The following E2F3 variants were observed in gnomAD, a reference collection of about 807,000 sequenced individuals.
E2F3 encodes E2F transcription factor 3, also known as transcription factor E2F3.
Under a neutral mutation model 44.4 loss-of-function variants are expected in E2F3, and 11 were observed. That is an observed-to-expected ratio of 0.25 (90% CI 0.16 to 0.41). The LOEUF is 0.41. Among genes scored for constraint, E2F3 ranks in the 10% least tolerant of loss-of-function variants. The pLI, the probability that E2F3 is intolerant of heterozygous loss-of-function variation, is 1.00. For synonymous variants in E2F3, 249 were observed against 253.0 expected, an observed-to-expected ratio of 0.98 and a Z score of 0.15; for missense variants, 487 against 583.6, an observed-to-expected ratio of 0.83 and a Z score of 1.70.
At chr6:20,479,534 A>T (rs1032557291) in intron 1 of E2F3, among the ~76,000 whole-genome samples, 2 of 152,196 alleles carry the variant, frequency 1.3e-5, no homozygotes, top group African/African-American at 4.8e-5. Context: ...TTAGCATCCA[A>T]CCCCATGCCA....
intron 1 of E2F3, among the ~76,000 whole-genome samples, chr6:20,414,071 G>C (rs756597474): frequency 6.6e-6 from 1 of 152,290 alleles, no homozygotes; most frequent in East Asian, 1.9e-4. Context: ...GCTGAGCACC[G>C]GAAGTGGGAC....
chr6:20,471,656 A>T (rs1403617924), intron 1 of E2F3, among the ~76,000 whole-genome samples: 3 of 152,236 alleles, frequency 2.0e-5, no homozygotes, highest in African/African-American at 4.8e-5. Context: ...GCTGTTTTTA[A>T]TAGACAAACC....
intron 1 of E2F3, among the ~76,000 whole-genome samples, chr6:20,447,696 T>A (rs1760995756): frequency 6.6e-6 from 1 of 152,176 alleles, no homozygotes; most frequent in Non-Finnish European, 1.5e-5. Flanking sequence ...TGTGAAGTCA[T>A]TTTGTCCATG....
intron 1 of E2F3, among the ~76,000 whole-genome samples, chr6:20,445,757 CTT>C (rs1291687756): frequency 2.0e-5 from 3 of 152,182 alleles, no homozygotes; most frequent in African/African-American, 7.2e-5. Flanking sequence ...ATACATAAGA[CTT>C]AAGTTCCTTC....
intron 1 of E2F3, among the ~76,000 whole-genome samples, chr6:20,474,632 A>G (rs1166915489): frequency 6.6e-6 from 1 of 152,226 alleles, no homozygotes; most frequent in Admixed American, 6.5e-5. Context: ...CCTGGTGCTC[A>G]GCCCAGGGCA....
intron 1 of E2F3, among the ~76,000 whole-genome samples, chr6:20,426,260 C>T (rs1269295600): frequency 6.6e-6 from 1 of 152,134 alleles, no homozygotes; most frequent in Non-Finnish European, 1.5e-5. Flanking sequence ...TCAACAATTA[C>T]TGGTGTAAGT....
At chr6:20,439,116 C>T (rs1760688164) in intron 1 of E2F3, among the ~76,000 whole-genome samples, 1 of 152,186 alleles carries the variant, frequency 6.6e-6, no homozygotes, top group African/African-American at 2.4e-5. Flanking sequence ...AAACTTATCT[C>T]AAATTCTGAC....
intron 1 of E2F3, among the ~76,000 whole-genome samples, chr6:20,441,959 G>C (rs1365494303): frequency 1.3e-5 from 2 of 151,638 alleles, no homozygotes; most frequent in East Asian, 3.9e-4. Flanking sequence ...GGGGATTGAC[G>C]CGGATCCTTT....
chr6:20,486,692 A>T lies in E2F3; in HGVS notation c.888A>T (p.Leu296Phe). The change falls in exon 5 of 7, where the codon TTA becomes TTT. Residue 296 changes from leucine to phenylalanine, a missense_variant. Coordinates refer to ENST00000346618, the MANE Select transcript of E2F3 (RefSeq NM_001949.5). Reference sequence around the variant, plus strand: ...AAGATTCCTTGACACTCTTTACGTTAGCTTATGTTACATATCAAGATATTC... The same window carrying T: ...AAGATTCCTTGACACTCTTTACGTTTGCTTATGTTACATATCAAGATATTC... ...LLTEDSENQR[L>F]AYVTYQDIRK... is the part of the protein sequence containing the mutation. The T allele has an allele frequency of 3.9e-6, 6 of 1,552,782 alleles. No homozygotes were observed. The highest frequency in any genetic ancestry group is 5.3e-6 in the Non-Finnish European group (6 of 1,129,218).
At chr6:20,430,713 T>A (rs1368526587) in intron 1 of E2F3, among the ~76,000 whole-genome samples, 2 of 152,126 alleles carry the variant, frequency 1.3e-5, no homozygotes, top group Non-Finnish European at 2.9e-5. Flanking sequence ...TCATAAGCAG[T>A]AGGATTCACT....
intron 1 of E2F3, among the ~76,000 whole-genome samples, chr6:20,435,398 T>G (rs1317709848): frequency 6.6e-6 from 1 of 152,214 alleles, no homozygotes; most frequent in African/African-American, 2.4e-5. Context: ...CTAAAAGTTA[T>G]AGCTGGTTAG....
At chr6:20,409,684 T>C (rs147733434) in intron 1 of E2F3, among the ~76,000 whole-genome samples, 22 of 152,354 alleles carry the variant, frequency 1.4e-4, no homozygotes, top group African/African-American at 5.3e-4. Flanking sequence ...TAAGAGGAAA[T>C]TGTCATTCCT....
chr6:20,431,918 T>C (rs1298814571), intron 1 of E2F3, among the ~76,000 whole-genome samples: 1 of 152,252 alleles, frequency 6.6e-6, no homozygotes, highest in East Asian at 1.9e-4. Context: ...GGAGGTTTCC[T>C]CTGAGGCCGC....
chr6:20,448,375 T>A (rs993666416), intron 1 of E2F3, among the ~76,000 whole-genome samples: 6 of 152,184 alleles, frequency 3.9e-5, no homozygotes, highest in Non-Finnish European at 7.3e-5. Flanking sequence ...CTTGCTGTGT[T>A]GTATGACAGA....
intron 1 of E2F3, among the ~76,000 whole-genome samples, chr6:20,463,904 A>G (rs1003366668): frequency 6.6e-6 from 1 of 152,190 alleles, no homozygotes; most frequent in African/African-American, 2.4e-5. Flanking sequence ...TTCTGACTGA[A>G]TAGCTATAAA....
chr6:20,410,667 G>GA (rs1439660661), intron 1 of E2F3, among the ~76,000 whole-genome samples: 1 of 152,208 alleles, frequency 6.6e-6, no homozygotes, highest in Non-Finnish European at 1.5e-5. Context: ...TGCCCAGGCT[G>GA]AAATGCAATG....
intron 1 of E2F3, among the ~76,000 whole-genome samples, chr6:20,407,947 G>T (rs1225001757): frequency 6.6e-6 from 1 of 152,224 alleles, no homozygotes; most frequent in African/African-American, 2.4e-5. Context: ...GTAAAACGTG[G>T]TGAAAGCAAG....
intron 6 of E2F3, among the ~76,000 whole-genome samples, chr6:20,489,510 A>G (rs1397649596): frequency 1.3e-5 from 2 of 152,144 alleles, no homozygotes; most frequent in African/African-American, 4.8e-5. Flanking sequence ...GTGAGTTTCT[A>G]CTAGGAAGCC....
intron 1 of E2F3, among the ~76,000 whole-genome samples, chr6:20,467,895 A>G (rs1253134860): frequency 6.6e-6 from 1 of 151,306 alleles, no homozygotes; most frequent in East Asian, 2.0e-4. Flanking sequence ...TGGAGCTGCC[A>G]CTCCATACCA....
Sources: allele counts gnomAD v4.1 joint callset (sites outside exome capture counted in the v4.1 genomes callset), GRCh38; gene constraint gnomAD v4.1.1; transcripts MANE v1.5; gene names NCBI Gene and HGNC (gene_info 2026-07-23, HGNC 2026-07-21).